ROBO1: variants seen among roughly 807,000 people sequenced by gnomAD.
ROBO1 encodes roundabout guidance receptor 1.
ROBO1 carries 149 observed loss-of-function variants against 195.9 expected under a neutral mutation model. The observed-to-expected ratio is 0.76, with a 90% CI of 0.67 to 0.87. The LOEUF is 0.87. Ranked by LOEUF, ROBO1 falls within the 40% of genes least tolerant of loss-of-function variation. The probability of loss-of-function intolerance (pLI) is 0.00; values close to 1 mark genes in which losing one functional copy is unlikely to be tolerated. For synonymous variants in ROBO1, 816 were observed against 733.2 expected (o/e 1.11, Z -1.82); for missense variants, 1,933 against 2,068.3 (o/e 0.93, Z 1.27).
chr3:79,159,254 C>T (rs536400822), intron 2 of ROBO1, among the ~76,000 whole-genome samples: 33 of 152,050 alleles, frequency 2.2e-4, no homozygotes, highest in African/African-American at 8.0e-4. Flanking sequence ...AAATTGCTGT[C>T]AGGACAACAT....
chr3:79,331,120 G>C (rs559173315), intron 2 of ROBO1, among the ~76,000 whole-genome samples: 1 of 152,242 alleles, frequency 6.6e-6, no homozygotes, highest in South Asian at 2.1e-4. Context: ...GTAATACTAA[G>C]AAATGCATTT....
At chr3:79,187,179 A>G (rs2081455584) in intron 2 of ROBO1, among the ~76,000 whole-genome samples, 1 of 152,002 alleles carries the variant, frequency 6.6e-6, no homozygotes, top group South Asian at 2.1e-4. Flanking sequence ...TGTATTCCAG[A>G]GAGGTCAGAA....
intron 3 of ROBO1, among the ~76,000 whole-genome samples, chr3:79,050,191 T>C (rs865975572): frequency 6.6e-6 from 1 of 151,974 alleles, no homozygotes; most frequent in Non-Finnish European, 1.5e-5. Flanking sequence ...AATAAAGGGA[T>C]GGAGGAAGAT....
chr3:79,394,269 T>C (rs1436367202), intron 2 of ROBO1, among the ~76,000 whole-genome samples: 1 of 152,174 alleles, frequency 6.6e-6, no homozygotes, highest in Non-Finnish European at 1.5e-5. Context: ...TGATCTGACA[T>C]ATTCACTTAA....
At chr3:78,836,818 A>G (rs566162572) in intron 4 of ROBO1, among the ~76,000 whole-genome samples, 4 of 152,272 alleles carry the variant, frequency 2.6e-5, no homozygotes, top group African/African-American at 9.6e-5. Flanking sequence ...ACATTACAGC[A>G]ATTTTAATTT....
chr3:79,510,142 C>T (rs1176864079), intron 2 of ROBO1, among the ~76,000 whole-genome samples: 1 of 152,114 alleles, frequency 6.6e-6, no homozygotes, highest in African/African-American at 2.4e-5. Flanking sequence ...CTGTGTCCCC[C>T]CACCACCAAA....
intron 2 of ROBO1, among the ~76,000 whole-genome samples, chr3:79,133,668 C>A (rs1467928010): frequency 2.2e-5 from 2 of 89,972 alleles, no homozygotes; most frequent in South Asian, 4.5e-4. Flanking sequence ...TCGTCTGAAG[C>A]CTTCTTCTCT....
At chr3:79,092,996 A>AT (rs2079507043) in intron 3 of ROBO1, among the ~76,000 whole-genome samples, 1 of 152,150 alleles carries the variant, frequency 6.6e-6, no homozygotes, top group East Asian at 1.9e-4. Context: ...GTAAACTAAC[A>AT]TTTGCTTTTA....
At chr3:79,562,717 T>A (rs546068541) in intron 2 of ROBO1, among the ~76,000 whole-genome samples, 4 of 152,174 alleles carry the variant, frequency 2.6e-5, no homozygotes, top group African/African-American at 9.6e-5. Flanking sequence ...ATATTATTTT[T>A]CGTTATTTTT....
Position 79,097,172 on chromosome 3 carries a change from C to T in ROBO1, c.172+28284G>A, listed in dbSNP as rs191231579. ...CTGTCAGAGTCTACACATGGAACCA[C>T]TTGTGAACATATATTGTATACAAAC... On this transcript the variant is annotated intron_variant, in intron 3 of 30. Transcript: ENST00000464233. 2.0e-5 allele frequency among the ~76,000 whole-genome samples: 3 copies of T among 151,878 alleles called. No homozygotes were observed. In the East Asian group the frequency reaches 5.8e-4, roughly 30 times the overall value.
At chr3:79,528,494 C>T (rs1260071371) in intron 2 of ROBO1, among the ~76,000 whole-genome samples, 1 of 152,146 alleles carries the variant, frequency 6.6e-6, no homozygotes, top group Admixed American at 6.6e-5. Context: ...TATGCATACA[C>T]AAATATATGT....
intron 2 of ROBO1, among the ~76,000 whole-genome samples, chr3:79,425,997 T>A (rs1227977495): frequency 6.6e-6 from 1 of 152,164 alleles, no homozygotes; most frequent in Non-Finnish European, 1.5e-5. Flanking sequence ...ATTAAGAAAT[T>A]TTTACAAAAA....
chr3:78,958,123 C>G (rs1374415661), intron 3 of ROBO1, among the ~76,000 whole-genome samples: 1 of 152,016 alleles, frequency 6.6e-6, no homozygotes, highest in Non-Finnish European at 1.5e-5. Flanking sequence ...GAGGATTTTT[C>G]TTTTGAAATA....
At chr3:79,367,003 C>T (rs1397193833) in intron 2 of ROBO1, among the ~76,000 whole-genome samples, 1 of 152,138 alleles carries the variant, frequency 6.6e-6, no homozygotes, top group East Asian at 1.9e-4. Flanking sequence ...TCAAATTACA[C>T]TATTTTGTAA....
intron 2 of ROBO1, among the ~76,000 whole-genome samples, chr3:79,149,196 G>A (rs1397488142): frequency 2.0e-5 from 3 of 151,844 alleles, no homozygotes; most frequent in South Asian, 4.1e-4. Flanking sequence ...ATTATATCAC[G>A]TTTATTATAA....
At chr3:79,756,947 G>T (rs1034387748) in intron 1 of ROBO1, among the ~76,000 whole-genome samples, 1 of 151,988 alleles carries the variant, frequency 6.6e-6, no homozygotes, top group East Asian at 1.9e-4. Flanking sequence ...TTATCATAAT[G>T]TTTTCAAAGT....
chr3:78,742,894 TAGAC>T lies in ROBO1; in HGVS notation c.657+3845_657+3848del, dbSNP rs1269250838. Among the ~76,000 whole-genome samples, 3 of 152,302 alleles carry T rather than the reference TAGAC, an allele frequency of 2.0e-5. No homozygotes were observed. In the East Asian group the frequency reaches 5.8e-4, roughly 29 times the overall value. ...CTTTAATTAGAGGACAGCATCCCCT[TAGAC>T]AGCAAAAGTAAATGAAGATTCTATA... On this transcript the variant is annotated intron_variant, in intron 5 of 30. Transcript: ENST00000464233.
intron 2 of ROBO1, among the ~76,000 whole-genome samples, chr3:79,520,558 C>A (rs1262234863): frequency 1.3e-5 from 2 of 152,058 alleles, no homozygotes; most frequent in Non-Finnish European, 2.9e-5. Flanking sequence ...AGTTATATTT[C>A]CATATGGGGA....
chr3:78,958,544 T>G (rs558567114), intron 3 of ROBO1, among the ~76,000 whole-genome samples: 1 of 152,152 alleles, frequency 6.6e-6, no homozygotes, highest in African/African-American at 2.4e-5. Context: ...TGCCTTCCGA[T>G]AAGTACCCTC....
Sources: gnomAD v4.1 joint callset for allele counts (sites outside exome capture counted in the v4.1 genomes callset) on GRCh38, gnomAD v4.1.1 for gene constraint, MANE v1.5 for transcripts, NCBI Gene and HGNC (gene_info 2026-07-23, HGNC 2026-07-21) for gene names.